GRAMD2B: variants seen among roughly 807,000 people sequenced by gnomAD.
GRAMD2B encodes the protein GRAM domain-containing protein 2B.
Under a neutral mutation model 59.2 loss-of-function variants are expected in GRAMD2B, and 41 were observed. That is an observed-to-expected ratio of 0.69 (90% CI 0.54 to 0.90). The LOEUF (loss-of-function observed/expected upper bound fraction) is 0.90. Ranked by LOEUF, GRAMD2B falls within the 40% of genes least tolerant of loss-of-function variation. The pLI is 0.00. For missense variants in GRAMD2B, 424 were observed against 500.5 expected (o/e 0.85, Z 1.46); for synonymous variants, 161 against 182.7 (o/e 0.88, Z 0.96).
intron 1 of GRAMD2B, among the ~76,000 whole-genome samples, chr5:126,398,018 A>ATTTTTTTTTTTTTTTTTTTTTTTTTTTT (rs70994864): frequency 1.4e-5 from 1 of 72,448 alleles, no homozygotes; most frequent in Non-Finnish European, 2.6e-5. Flanking sequence ...TTGTTGGGAG[A>ATTTTTTTTTTTTTTTTTTTTTTTTTTTT]TTTTTTTTTT....
chr5:126,372,562 TA>T (rs1754855182), intron 1 of GRAMD2B, among the ~76,000 whole-genome samples: 1 of 152,154 alleles, frequency 6.6e-6, no homozygotes, highest in Non-Finnish European at 1.5e-5. Context: ...TAAACACTTT[TA>T]AAAAGAAGTT....
chr5:126,377,722 C>T (rs560075198), intron 1 of GRAMD2B, among the ~76,000 whole-genome samples: 1 of 152,296 alleles, frequency 6.6e-6, no homozygotes, highest in South Asian at 2.1e-4. Context: ...CTCCTACCAC[C>T]CTCTAAGCCA....
intron 2 of GRAMD2B, among the ~76,000 whole-genome samples, chr5:126,468,726 G>T (rs1402409495): frequency 6.6e-6 from 1 of 152,052 alleles, no homozygotes; most frequent in African/African-American, 2.4e-5. Flanking sequence ...GACCTCAGGT[G>T]GTCCGCCCAC....
rs775898747 is a variant in GRAMD2B at position 126,480,805 on chromosome 5, AG to A, written c.735+100del. 965 of 1,016,014 alleles carry A rather than the reference AG, an allele frequency of 9.5e-4. 1 individual carries two copies. Among genetic ancestry groups the A allele is most frequent in the Non-Finnish European group, 1.4e-3 (894 of 650,968 alleles). The allele number at this position is 1,016,014 out of a possible 1,614,324, so 62.9% of individuals were successfully genotyped here. The stretch of plus-strand genomic sequence containing the variant: ...CATGACCAGGGTGTGGGAAGAGCTT[AG>A]GACCAAAATATTTGAGGTACAGTTG... On this transcript the variant is annotated intron_variant, in intron 8 of 13. Transcript: ENST00000285689.
At chr5:126,459,842 T>C (rs775857844) in intron 1 of GRAMD2B, among the ~76,000 whole-genome samples, 11 of 152,238 alleles carry the variant, frequency 7.2e-5, no homozygotes, top group African/African-American at 1.2e-4. Flanking sequence ...TATTTGGGTA[T>C]GCATCACAAA....
chr5:126,459,321 C>A (rs1356441957), intron 1 of GRAMD2B, among the ~76,000 whole-genome samples: 2 of 152,154 alleles, frequency 1.3e-5, no homozygotes, highest in Non-Finnish European at 2.9e-5. Flanking sequence ...GTTGCCCAAG[C>A]TGGTTTCAAA....
At chr5:126,431,211 G>T (rs1382168733) in intron 1 of GRAMD2B, among the ~76,000 whole-genome samples, 3 of 151,884 alleles carry the variant, frequency 2.0e-5, no homozygotes, top group African/African-American at 7.3e-5. Flanking sequence ...AACTTTAGCC[G>T]ACTATAAATG....
At chr5:126,459,017 C>A (rs1343753337) in intron 1 of GRAMD2B, 1 of 152,100 alleles carries the variant, frequency 6.6e-6, no homozygotes, top group South Asian at 2.1e-4. Context: ...TTGATGGTTT[C>A]CCTCCATTAT....
rs778168754 is a variant in GRAMD2B at position 126,483,572 on chromosome 5, G to A, written c.845G>A (p.Arg282Gln). Residue 282 changes from arginine to glutamine, a missense_variant and splice_region_variant, in exon 9 of 14, where the codon CGA becomes CAA. Coordinates refer to ENST00000285689, the MANE Select transcript of GRAMD2B (RefSeq NM_023927.4). ...GSQTPESENS[R>Q]DFHATESQTV... is the part of the protein sequence containing the mutation. Reference sequence around the variant, plus strand: ...CAAACTCCTGAATCTGAGAACTCTCGAGGTTTGGGAAATTGTTGTATTTTG... The same window carrying A: ...CAAACTCCTGAATCTGAGAACTCTCAAGGTTTGGGAAATTGTTGTATTTTG... The A allele has an allele frequency of 1.0e-4, 158 of 1,570,564 alleles. No homozygotes were observed. Among genetic ancestry groups the A allele is most frequent in the Non-Finnish European group, 1.3e-4 (146 of 1,142,898 alleles).
In GRAMD2B at chr5:126,486,882, A is replaced by G. The variant is rs1211546269; in HGVS notation, c.1068A>G (p.Ala356=). ...TTTCATCCGTTTCCAGTGTCTGTGC[A>G]CTAATCATCTCGACCTTCTACATGA... The part of the protein sequence containing the change: ...ILIFYAIVVC[A]LIISTFYMRY... Residue 356 remains alanine (A), a synonymous_variant, in exon 12 of 14, where the codon GCA becomes GCG. Transcript: ENST00000285689. 4 of 1,606,056 alleles carry G rather than the reference A, an allele frequency of 2.5e-6. No homozygotes were observed. The Admixed American group carries it at 5.0e-5, about 20-fold the overall frequency.
At chr5:126,367,689 T>C (rs1754524709), upstream of GRAMD2B, among the ~76,000 whole-genome samples, 1 of 152,208 alleles carries the variant, frequency 6.6e-6, no homozygotes, top group Non-Finnish European at 1.5e-5. Context: ...AAAACTCTTA[T>C]GGCCAAACTT....
chr5:126,446,182 G>C (rs988831867), intron 1 of GRAMD2B, among the ~76,000 whole-genome samples: 6 of 152,086 alleles, frequency 3.9e-5, no homozygotes, highest in Non-Finnish European at 2.9e-5. Flanking sequence ...TATTGGTATT[G>C]TGTTTATTTT....
intron 11 of GRAMD2B, 27 bp from the exon 12 acceptor site, chr5:126,486,846 G>A (rs776530215): frequency 4.1e-6 from 6 of 1,451,228 alleles, no homozygotes; most frequent in African/African-American, 1.4e-5. Flanking sequence ...TTAACCTAAC[G>A]AAAGTTTCTC....
Position 126,493,043 on chromosome 5 carries a change from G to A in GRAMD2B, c.*87G>A. 1 of 973,758 alleles carries A rather than the reference G, an allele frequency of 1.0e-6. No homozygotes were observed. The highest frequency in any genetic ancestry group is 1.6e-6 in the Non-Finnish European group (1 of 606,666). The allele number at this position is 973,758 out of a possible 1,614,324, so 60.3% of individuals were successfully genotyped here. A position where few individuals can be genotyped will look rare whatever the true frequency, so the allele number is the denominator to read the frequency against. ...GAGGCGTTTTGTTTGAGTGCACCCT[G>A]CTGGTCAGAGGTGCAAGCAGATGAG... On this transcript the variant is annotated 3_prime_UTR_variant, in exon 14 of 14. Transcript: ENST00000285689.
intron 1 of GRAMD2B, among the ~76,000 whole-genome samples, chr5:126,434,655 C>G (rs967901975): frequency 1.1e-4 from 16 of 151,984 alleles, no homozygotes; most frequent in Non-Finnish European, 1.6e-4. Flanking sequence ...GTAGCTGGGA[C>G]TACAGGTGCC....
intron 12 of GRAMD2B, among the ~76,000 whole-genome samples, chr5:126,488,270 C>G (rs1301643021): frequency 2.0e-5 from 3 of 152,096 alleles, no homozygotes; most frequent in African/African-American, 7.2e-5. Flanking sequence ...GACTCCAGGC[C>G]AGGCACAGTG....
chr5:126,470,601 C>G (rs1020305286), intron 3 of GRAMD2B, among the ~76,000 whole-genome samples: 42 of 151,906 alleles, frequency 2.8e-4, no homozygotes, highest in African/African-American at 1.0e-3. Flanking sequence ...CTCTGTTGCC[C>G]AGGCTGGAGT....
At chr5:126,477,549 T>A (rs141943395) in intron 5 of GRAMD2B, 143 bp from the exon 6 acceptor site, 1 of 669,884 alleles carries the variant, frequency 1.5e-6, no homozygotes, top group African/African-American at 1.8e-5. Flanking sequence ...TCTGTAAGAC[T>A]GGCTTTTTTT....
intron 1 of GRAMD2B, among the ~76,000 whole-genome samples, chr5:126,391,865 C>T (rs1445681390): frequency 1.3e-5 from 2 of 151,938 alleles, no homozygotes; most frequent in East Asian, 3.9e-4. Context: ...TAAAATCACC[C>T]GAATTTTACC....
Sources: gnomAD v4.1 joint callset for allele counts (sites outside exome capture counted in the v4.1 genomes callset) on GRCh38, gnomAD v4.1.1 for gene constraint, MANE v1.5 for transcripts, NCBI Gene and HGNC (gene_info 2026-07-23, HGNC 2026-07-21) for gene names.